ZFYVE16: variants seen among roughly 807,000 people sequenced by gnomAD.
The protein encoded by ZFYVE16 is zinc finger FYVE domain-containing protein 16.
A neutral mutation model predicts 138.1 loss-of-function variants in ZFYVE16; 89 were observed. The ratio of observed to expected loss-of-function variants is 0.64; its 90% confidence interval spans 0.54 to 0.77. The LOEUF is 0.77. Among genes scored for constraint, ZFYVE16 ranks in the 30% least tolerant of loss-of-function variants. ZFYVE16 has a pLI of 0.00. For synonymous variants in ZFYVE16, 596 were observed against 618.3 expected, an observed-to-expected ratio of 0.96 and a Z score of 0.53; for missense variants, 1,793 against 1,786.7, an observed-to-expected ratio of 1.00 and a Z score of -0.06.
chr5:80,434,276 A>G, intron 3 of ZFYVE16, 59 bp downstream of exon 3: 1 of 1,568,262 alleles, frequency 6.4e-7, no homozygotes, highest in Non-Finnish European at 8.8e-7. Context: ...TAATTAAGTT[A>G]TCTCAGGTAT....
rs368686173 is a variant in ZFYVE16, at chr5:80,437,005, A to G, written c.320A>G (p.Asp107Gly). 267 of 1,614,080 alleles carry G rather than the reference A, an allele frequency of 1.7e-4. No individual in the cohort carries two copies. Among genetic ancestry groups the G allele is most frequent in the Non-Finnish European group, 2.1e-4 (252 of 1,180,036 alleles). Reference sequence around the variant, plus strand: ...GGACTTGATCTTCTTTCTTCTGTGGATGGTGGTACTTCAGATGAAATCCAG... The same window carrying G: ...GGACTTGATCTTCTTTCTTCTGTGGGTGGTGGTACTTCAGATGAAATCCAG... ...VTGLDLLSSV[D>G]GGTSDEIQPL... Residue 107 changes from aspartate to glycine, a missense_variant, in exon 4 of 19, where the codon GAT becomes GGT. Transcript: ENST00000505560.
chr5:80,423,824 C>G (rs1018993647), intron 1 of ZFYVE16, among the ~76,000 whole-genome samples: 1 of 152,118 alleles, frequency 6.6e-6, no homozygotes, highest in African/African-American at 2.4e-5. Context: ...AGGCGTGAGC[C>G]ACTGCGCCTG....
chr5:80,448,385 A>G lies in ZFYVE16; in HGVS notation c.3084A>G (p.Ala1028=), dbSNP rs149208745. Residue 1028 remains alanine, a synonymous_variant, in exon 8 of 19, where the codon GCA becomes GCG. Transcript: ENST00000505560. ...ACAGTTTGCCCCCACTTCTGGTTGC[A>G]TCTGGAGAAAAGGGATCAGGTAGGG... ...DEDSLPPLLV[A]SGEKGSVPVV... is the part of the protein sequence containing the mutation. 1 of 1,549,374 alleles carries G rather than the reference A, an allele frequency of 6.5e-7. No homozygotes were observed. The highest frequency in any genetic ancestry group is 8.7e-7 in the Non-Finnish European group (1 of 1,152,092).
chr5:80,455,173 A>G (rs984647835), intron 11 of ZFYVE16: 1 of 154,168 alleles, frequency 6.5e-6, no homozygotes, highest in African/African-American at 2.4e-5. Context: ...TTTAAATAAG[A>G]TAATGTATGT....
At chr5:80,421,376 T>C (rs1479752336) in intron 1 of ZFYVE16, among the ~76,000 whole-genome samples, 1 of 152,216 alleles carries the variant, frequency 6.6e-6, no homozygotes, top group Non-Finnish European at 1.5e-5. Flanking sequence ...TGCCCATGCC[T>C]ATGTCCTGAA....
In ZFYVE16 at chr5:80,438,585, T is replaced by G. The variant is rs1280047998; in HGVS notation, c.1900T>G (p.Leu634Val). The G allele has an allele frequency of 6.2e-7, 1 of 1,614,140 alleles. No homozygotes were observed. The highest frequency in any genetic ancestry group is 8.5e-7 in the Non-Finnish European group (1 of 1,179,992). Residue 634 changes from leucine (L) to valine (V), a missense_variant, in exon 4 of 19, where the codon TTA (leucine) becomes GTA (valine). Around this residue, in one of 2 missense-constraint regions of ZFYVE16, gnomAD observed 1,295 missense variants for 1,204.3 expected, o/e 1.08. Coordinates refer to ENST00000505560, the MANE Select transcript of ZFYVE16 (RefSeq NM_001284236.3). ...CAGTAAGTCTGAGATTACAAATCAA[T>G]TATCGGTCTCTGATATTAACAGTCA... ...PTSKSEITNQ[L>V]SVSDINSQSV...
intron 7 of ZFYVE16, among the ~76,000 whole-genome samples, chr5:80,446,734 A>T (rs1176422141): frequency 6.6e-6 from 1 of 152,164 alleles, no homozygotes; most frequent in African/African-American, 2.4e-5. Flanking sequence ...TCAAACATTC[A>T]AGAAAGTATG....
chr5:80,428,729 A>G (rs1277842391), intron 2 of ZFYVE16, among the ~76,000 whole-genome samples: 1 of 152,206 alleles, frequency 6.6e-6, no homozygotes, highest in East Asian at 1.9e-4. Context: ...ACGAATGGCT[A>G]ACTAGAATAA....
Position 80,478,158 on chromosome 5 carries a change from A to G in ZFYVE16, c.*781A>G, listed in dbSNP as rs1437415958. ...ATGTAGGTAATATTTTTGTATCACA[A>G]TGCATTATTTTTTTCCTCCTTTCCT... On this transcript the variant is annotated 3_prime_UTR_variant, in exon 19 of 19. Transcript: ENST00000505560. The G allele has an allele frequency of 6.6e-6, 1 of 152,040 alleles. No individual in the cohort carries two copies. Among genetic ancestry groups the G allele is most frequent in the Non-Finnish European group, 1.5e-5 (1 of 67,928 alleles). The allele number at this position is 152,040 out of a possible 1,614,324, so 9.4% of individuals were successfully genotyped here.
chr5:80,446,303 G>A (rs903958098), intron 7 of ZFYVE16, among the ~76,000 whole-genome samples: 3 of 151,968 alleles, frequency 2.0e-5, no homozygotes, highest in African/African-American at 4.8e-5. Flanking sequence ...TATAGATTTC[G>A]TGGGTTGTAC....
rs1751193132 is a variant in ZFYVE16 at position 80,445,347 on chromosome 5, C to T, written c.2666C>T (p.Ser889Leu). Residue 889 changes from serine to leucine, a missense_variant, in exon 7 of 19, where the codon TCA becomes TTA. Physicochemically the swap from Ser to Leu is moderately radical, Grantham distance 145. Around this residue, in one of 2 missense-constraint regions of ZFYVE16, gnomAD observed 1,295 missense variants for 1,204.3 expected, o/e 1.08. Transcript: ENST00000505560. Reference protein sequence around the residue: ...NGEVADTTKLSSGSKRCSEDF... With the variant: ...NGEVADTTKLLSGSKRCSEDF... ...GAAGTTGCAGATACAACAAAATTAT[C>T]ATCTGGAAGTAAAAGATGTTCTGAA... 6.2e-7 allele frequency: 1 copy of T among 1,613,904 alleles called. No homozygotes were observed. Among genetic ancestry groups the T allele is most frequent in the Non-Finnish European group, 8.5e-7 (1 of 1,179,908 alleles).
rs1755146982 is a variant in ZFYVE16, at chr5:80,478,981, T to C, written c.*1604T>C. ...CCCAATTTATGTTTTCTAAATATAG[T>C]GTATGTATTCTGCCATGTAAGTAAT... On this transcript the variant is annotated 3_prime_UTR_variant, in exon 19 of 19. Coordinates refer to ENST00000505560, the MANE Select transcript of ZFYVE16 (RefSeq NM_001284236.3). 1 of 152,164 alleles carries C rather than the reference T, an allele frequency of 6.6e-6. No individual in the cohort carries two copies. The highest frequency in any genetic ancestry group is 1.5e-5 in the Non-Finnish European group (1 of 67,994). 9.4% of individuals were successfully genotyped at this position (152,164 alleles called of 1,614,324 possible).
Position 80,473,832 on chromosome 5 carries a change from CGA to C in ZFYVE16, c.4267_4268del (p.Asp1423Ter), listed in dbSNP as rs1224058969. 3.7e-6 allele frequency: 6 copies of C among 1,612,582 alleles called. No individual in the cohort carries two copies. The highest frequency in any genetic ancestry group is 5.1e-6 in the Non-Finnish European group (6 of 1,179,218). On this transcript the variant is annotated frameshift_variant, in exon 17 of 19. Transcript: ENST00000505560. LOFTEE classifies it high-confidence loss of function. Reference sequence around the variant, plus strand: ...TAAAACTGGAAGCAGATTTTGAAACCGATGAGAAGATTGTAAAATGTACCGAG... The same window carrying C: ...TAAAACTGGAAGCAGATTTTGAAACCTGAGAAGATTGTAAAATGTACCGAG... ...KIKLEADFETDEKIVKCTEVF... is the reference protein window; with the variant it reads ...KIKLEADFETXEKIVKCTEVF...
At position 80,478,484 on chromosome 5, in the gene ZFYVE16, C is replaced by G. The variant is rs921395161; in HGVS notation, c.*1107C>G. Reference sequence around the variant, plus strand: ...TATTTGAAATTGTTACAGAGCTTTCCTCTTTACTTCAAACAGCAAAAAAGT... The same window carrying G: ...TATTTGAAATTGTTACAGAGCTTTCGTCTTTACTTCAAACAGCAAAAAAGT... On this transcript the variant is annotated 3_prime_UTR_variant, in exon 19 of 19. Coordinates refer to ENST00000505560, the MANE Select transcript of ZFYVE16 (RefSeq NM_001284236.3). 22 of 151,888 alleles carry G rather than the reference C, an allele frequency of 1.4e-4. No individual in the cohort carries two copies. The highest frequency in any genetic ancestry group is 6.6e-5 in the Admixed American group (1 of 15,232). 9.4% of individuals were successfully genotyped at this position (151,888 alleles called of 1,614,324 possible).
chr5:80,426,270 GTGTATATATATA>G (rs1388905901), intron 1 of ZFYVE16, among the ~76,000 whole-genome samples: 2 of 94,966 alleles, frequency 2.1e-5, no homozygotes, highest in African/African-American at 3.7e-5. Flanking sequence ...GTGTGTGTGT[GTGTATATATATA>G]TATATATATA....
At chr5:80,459,084 C>T (rs558610281) in intron 14 of ZFYVE16, among the ~76,000 whole-genome samples, 73 of 152,276 alleles carry the variant, frequency 4.8e-4, no homozygotes, top group African/African-American at 1.7e-3. Flanking sequence ...CCTGCCACCA[C>T]ACCTGGCTAA....
In ZFYVE16 at chr5:80,478,407, T is replaced by C. The variant is rs1755099282; in HGVS notation, c.*1030T>C. The C allele has an allele frequency of 6.6e-6, 1 of 152,114 alleles. No homozygotes were observed. Among genetic ancestry groups the C allele is most frequent in the Admixed American group, 6.5e-5 (1 of 15,276 alleles). The allele number at this position is 152,114 out of a possible 1,614,324, so 9.4% of individuals were successfully genotyped here. A position where few individuals can be genotyped will look rare whatever the true frequency, so the allele number is the denominator to read the frequency against. On this transcript the variant is annotated 3_prime_UTR_variant, in exon 19 of 19. Coordinates refer to ENST00000505560, the MANE Select transcript of ZFYVE16 (RefSeq NM_001284236.3). Reference sequence around the variant, plus strand: ...TTACTTTTGCATATTTTAAATTCTTTATATGGTAGTTATTTTTTATAACAG... The same window carrying C: ...TTACTTTTGCATATTTTAAATTCTTCATATGGTAGTTATTTTTTATAACAG...
chr5:80,426,024 A>G (rs1471433710), intron 1 of ZFYVE16, among the ~76,000 whole-genome samples: 2 of 152,162 alleles, frequency 1.3e-5, no homozygotes, highest in African/African-American at 4.8e-5. Flanking sequence ...ATTTTGTTAC[A>G]AAGTATATTT....
At chr5:80,464,660 G>A (rs541401707) in intron 15 of ZFYVE16, among the ~76,000 whole-genome samples, 105 of 152,160 alleles carry the variant, frequency 6.9e-4, no homozygotes, top group African/African-American at 2.5e-3. Flanking sequence ...CTCATGAATT[G>A]CTGATTTTAG....
Sources: allele counts gnomAD v4.1 joint callset (sites outside exome capture counted in the v4.1 genomes callset), GRCh38; gene constraint gnomAD v4.1.1; regional missense constraint gnomAD v4.1.1; transcripts MANE v1.5; gene names NCBI Gene and HGNC (gene_info 2026-07-23, HGNC 2026-07-21).